Variants in NEK11 observed in about 807,000 individuals in gnomAD.
The protein encoded by NEK11 is serine/threonine-protein kinase Nek11.
In NEK11, 72 loss-of-function variants were observed where a neutral mutation model predicts 80.7. The observed-to-expected ratio is 0.89, with a 90% confidence interval of 0.74 to 1.08. The LOEUF is 1.08. Ranked by LOEUF, NEK11 falls within the 50% of genes least tolerant of loss-of-function variation. The pLI is 0.00. For missense variants in NEK11, 764 were observed against 763.6 expected (o/e 1.00, Z -0.01); for synonymous variants, 251 against 260.7 (o/e 0.96, Z 0.36).
intron 3 of NEK11, among the ~76,000 whole-genome samples, chr3:131,049,493 G>A (rs2067987964): frequency 6.6e-6 from 1 of 152,124 alleles, no homozygotes; most frequent in Admixed American, 6.5e-5. Flanking sequence ...CTTGCTTTTA[G>A]ATGACAATTT....
chr3:131,288,903 C>T (rs1397877629), intron 17 of NEK11, among the ~76,000 whole-genome samples: 1 of 152,036 alleles, frequency 6.6e-6, no homozygotes, highest in Non-Finnish European at 1.5e-5. Flanking sequence ...TTGTGAAATG[C>T]AAGGGTAGAT....
chr3:131,271,744 G>A (rs914156292), intron 16 of NEK11, among the ~76,000 whole-genome samples: 5 of 149,958 alleles, frequency 3.3e-5, no homozygotes, highest in East Asian at 2.0e-4. Flanking sequence ...GCAGTGAGCC[G>A]AGATCTCACT....
At chr3:131,250,900 T>C (rs1006994209) in intron 16 of NEK11, among the ~76,000 whole-genome samples, 1 of 152,084 alleles carries the variant, frequency 6.6e-6, no homozygotes. Context: ...AAACAAAAAG[T>C]CATTTTTTAA....
intron 16 of NEK11, among the ~76,000 whole-genome samples, chr3:131,265,189 A>G (rs565853966): frequency 2.6e-5 from 4 of 152,200 alleles, no homozygotes; most frequent in South Asian, 2.1e-4. Context: ...CTCTTTTCCT[A>G]TTTGAATACC....
At chr3:131,214,930 G>A (rs2150574851) in intron 14 of NEK11, among the ~76,000 whole-genome samples, 2 of 152,254 alleles carry the variant, frequency 1.3e-5, no homozygotes, top group East Asian at 3.9e-4. Flanking sequence ...TGTAGGCTAA[G>A]CTAATCAATG....
At chr3:131,216,997 A>G (rs1264503600) in intron 14 of NEK11, among the ~76,000 whole-genome samples, 1 of 152,114 alleles carries the variant, frequency 6.6e-6, no homozygotes, top group African/African-American at 2.4e-5. Flanking sequence ...AGGGAAAGGA[A>G]CAATTGTGGG....
At chr3:131,294,200 A>G (rs924364795) in intron 17 of NEK11, among the ~76,000 whole-genome samples, 21 of 152,170 alleles carry the variant, frequency 1.4e-4, no homozygotes, top group Admixed American at 9.8e-4. Flanking sequence ...ATATGTATTC[A>G]CTGCTATAAA....
intron 17 of NEK11, among the ~76,000 whole-genome samples, chr3:131,292,016 T>C (rs1037874350): frequency 6.6e-6 from 1 of 152,230 alleles, no homozygotes. Context: ...ATCTAGGTTT[T>C]CTTTTATGTT....
chr3:131,139,985 C>T (rs900872471), intron 7 of NEK11, among the ~76,000 whole-genome samples: 2 of 152,134 alleles, frequency 1.3e-5, no homozygotes, highest in African/African-American at 4.8e-5. Flanking sequence ...GGTAAAATGT[C>T]CCATGATCCA....
chr3:131,108,915 A>C (rs1299488654), intron 4 of NEK11, among the ~76,000 whole-genome samples: 1 of 152,102 alleles, frequency 6.6e-6, no homozygotes, highest in Non-Finnish European at 1.5e-5. Context: ...TATATGCACA[A>C]TATAAGTGCC....
chr3:131,215,010 T>C (rs904198711), intron 14 of NEK11, among the ~76,000 whole-genome samples: 6 of 152,124 alleles, frequency 3.9e-5, no homozygotes, highest in African/African-American at 9.7e-5. Context: ...TGTAGTTTAT[T>C]GTGTGAGGAA....
intron 15 of NEK11, among the ~76,000 whole-genome samples, chr3:131,231,801 C>T (rs1454807215): frequency 6.6e-6 from 1 of 151,980 alleles, no homozygotes. Flanking sequence ...CTCCCCTTTC[C>T]CTGGTCTTGC....
chr3:131,115,785 C>G (rs1406659226), intron 5 of NEK11, among the ~76,000 whole-genome samples: 3 of 152,092 alleles, frequency 2.0e-5, no homozygotes, highest in Admixed American at 2.0e-4. Context: ...GAGGAGAGAA[C>G]AGGGCTGGGC....
chr3:131,286,540 G>A (rs1399482517), intron 17 of NEK11, among the ~76,000 whole-genome samples: 3 of 152,192 alleles, frequency 2.0e-5, no homozygotes, highest in Non-Finnish European at 4.4e-5. Flanking sequence ...GGATACAGCT[G>A]TTCCTATAGT....
chr3:131,300,354 C>G (rs2096647428), intron 17 of NEK11, among the ~76,000 whole-genome samples: 1 of 152,076 alleles, frequency 6.6e-6, no homozygotes, highest in Non-Finnish European at 1.5e-5. Flanking sequence ...TTGACATTTT[C>G]TTTTGATGTG....
intron 16 of NEK11, among the ~76,000 whole-genome samples, chr3:131,255,904 G>A (rs1317454000): frequency 6.6e-6 from 1 of 152,076 alleles, no homozygotes; most frequent in Non-Finnish European, 1.5e-5. Context: ...CAATAAAGCT[G>A]GTTCTATACC....
At position 131,133,817 on chromosome 3, in the gene NEK11, T is replaced by G. The variant is rs184147729; in HGVS notation, c.521-13T>G. 4 of 1,602,242 alleles carry G rather than the reference T, an allele frequency of 2.5e-6. No homozygotes were observed. Among genetic ancestry groups the G allele is most frequent in the Non-Finnish European group, 2.6e-6 (3 of 1,174,606 alleles). On this transcript the variant is annotated splice_polypyrimidine_tract_variant and intron_variant, in intron 6 of 17. Transcript: ENST00000383366. ...GGCTTAAAGTATTCATAAAAATTAATTATTATTTCAAGGAGATTTTGGAGT... is the reference window on the plus strand; with the variant it reads ...GGCTTAAAGTATTCATAAAAATTAAGTATTATTTCAAGGAGATTTTGGAGT...
intron 7 of NEK11, among the ~76,000 whole-genome samples, chr3:131,150,036 A>G (rs894156221): frequency 4.6e-5 from 7 of 152,034 alleles, no homozygotes; most frequent in African/African-American, 1.4e-4. Flanking sequence ...TTAGCATTCC[A>G]TTAAAAGTGT....
At chr3:131,153,740 A>G (rs2090122625) in intron 9 of NEK11, among the ~76,000 whole-genome samples, 1 of 152,206 alleles carries the variant, frequency 6.6e-6, no homozygotes, top group Admixed American at 6.5e-5. Flanking sequence ...GCCAAAATGA[A>G]AGGAACAGGT....
Sources: gnomAD v4.1 joint callset for allele counts (sites outside exome capture counted in the v4.1 genomes callset) on GRCh38, gnomAD v4.1.1 for gene constraint, MANE v1.5 for transcripts, NCBI Gene and HGNC (gene_info 2026-07-23, HGNC 2026-07-21) for gene names.